Variants in CD82 observed in about 807,000 individuals in gnomAD.
CD82 encodes CD82 antigen.
CD82 carries 36 observed loss-of-function variants against 37.4 expected under a neutral mutation model. That is an observed-to-expected ratio of 0.96 (90% CI 0.74 to 1.27). The LOEUF is 1.27. Among genes scored for constraint, CD82 ranks in the 50% most tolerant of loss-of-function variants. The pLI is 0.00. For missense variants in CD82, 340 were observed against 347.0 expected (o/e 0.98, Z 0.16); for synonymous variants, 158 against 137.4 (o/e 1.15, Z -1.05).
At chr11:44,609,849 AT>A (rs1853455422) in intron 6 of CD82, among the ~76,000 whole-genome samples, 1 of 152,088 alleles carries the variant, frequency 6.6e-6, no homozygotes, top group Non-Finnish European at 1.5e-5. Context: ...CTGGAAAGGG[AT>A]TATGGAAAGA....
chr11:44,577,935 C>G (rs1415351316), intron 1 of CD82, among the ~76,000 whole-genome samples: 1 of 152,166 alleles, frequency 6.6e-6, no homozygotes, highest in Non-Finnish European at 1.5e-5. Flanking sequence ...GGCACAGGGA[C>G]AGAATCAGCT....
chr11:44,587,942 G>GTCCA (rs1565084925), intron 2 of CD82: 2 of 239,290 alleles, frequency 8.4e-6, no homozygotes, highest in Non-Finnish European at 1.7e-5. Context: ...CCATCTGTCT[G>GTCCA]TCCATCCATC....
chr11:44,569,080 G>T (rs904921413), intron 1 of CD82, among the ~76,000 whole-genome samples: 1 of 152,158 alleles, frequency 6.6e-6, no homozygotes, highest in Non-Finnish European at 1.5e-5. Context: ...GGACTGTTTG[G>T]CCTGGGCCCC....
intron 4 of CD82, among the ~76,000 whole-genome samples, chr11:44,601,604 C>T (rs1419474898): frequency 6.6e-6 from 1 of 152,206 alleles, no homozygotes; most frequent in Non-Finnish European, 1.5e-5. Context: ...CTGCAACTGG[C>T]GCAGTGGGGG....
intron 1 of CD82, among the ~76,000 whole-genome samples, chr11:44,568,462 G>A (rs1405655791): frequency 1.3e-5 from 2 of 151,502 alleles, no homozygotes; most frequent in Non-Finnish European, 2.9e-5. Context: ...TGCCCATGAA[G>A]GGGAGGCATC....
chr11:44,595,305 G>C (rs547897442), intron 3 of CD82, among the ~76,000 whole-genome samples: 1 of 152,304 alleles, frequency 6.6e-6, no homozygotes, highest in South Asian at 2.1e-4. Flanking sequence ...GACATTGACT[G>C]CTGGTTTTCC....
intron 1 of CD82, among the ~76,000 whole-genome samples, chr11:44,578,280 A>T (rs1427153089): frequency 6.6e-6 from 1 of 152,168 alleles, no homozygotes; most frequent in Non-Finnish European, 1.5e-5. Flanking sequence ...CCAGGGAAGG[A>T]GGCAGCCTCT....
At chr11:44,618,561 TG>T in intron 8 of CD82, 78 bp from the exon 9 acceptor site, 3 of 1,279,326 alleles carry the variant, frequency 2.3e-6, no homozygotes, top group African/African-American at 1.5e-5. Context: ...GGGCTGGGAC[TG>T]GGGGGCTCTC....
At chr11:44,567,964 TG>T (rs1326324268) in intron 1 of CD82, among the ~76,000 whole-genome samples, 1 of 152,220 alleles carries the variant, frequency 6.6e-6, no homozygotes, top group African/African-American at 2.4e-5. Context: ...ACCTCTAGGT[TG>T]CTCATTCTGG....
chr11:44,568,774 C>T lies in CD82; in HGVS notation c.-103+3038C>T, dbSNP rs572276110. 9.2e-5 allele frequency among the ~76,000 whole-genome samples: 14 copies of T among 152,310 alleles called. No homozygotes were observed. The East Asian group carries it at 9.7e-4, about 11-fold the overall frequency. On this transcript the variant is annotated intron_variant, in intron 1 of 9. Transcript: ENST00000227155. ...AGAGCCACAGCCTGGAAGCTCCCACCGGCCATCCCCTTCCACCCTGGGGAC... is the reference window on the plus strand; with the variant it reads ...AGAGCCACAGCCTGGAAGCTCCCACTGGCCATCCCCTTCCACCCTGGGGAC...
intron 6 of CD82, chr11:44,606,298 G>A (rs561359331): frequency 3.3e-4 from 51 of 152,360 alleles, no homozygotes; most frequent in African/African-American, 7.2e-4. Flanking sequence ...GGGCAACATG[G>A]TGAGACCCCA....
chr11:44,577,030 G>C (rs1413158161), intron 1 of CD82, among the ~76,000 whole-genome samples: 4 of 152,058 alleles, frequency 2.6e-5, no homozygotes, highest in Non-Finnish European at 4.4e-5. Flanking sequence ...CTGGGCTGGT[G>C]GGTCCTGGGT....
chr11:44,573,295 A>C (rs1313309062), intron 1 of CD82: 2 of 152,266 alleles, frequency 1.3e-5, no homozygotes, highest in East Asian at 3.8e-4. Flanking sequence ...GGTAAATTAT[A>C]CTAGTACAGT....
Position 44,605,448 on chromosome 11 carries a change from C to G in CD82, c.336+19C>G. The G allele has an allele frequency of 1.2e-6, 2 of 1,610,996 alleles. No individual in the cohort carries two copies. Among genetic ancestry groups the G allele is most frequent in the Non-Finnish European group, 1.7e-6 (2 of 1,177,164 alleles). On this transcript the variant is annotated intron_variant, in intron 6 of 9. Coordinates refer to ENST00000227155, the MANE Select transcript of CD82 (RefSeq NM_002231.4). ...GGGCAAGGTAAGCCCCTCTCTCCCT[C>G]CCTCTTCACTGGGCTGGACCAACCA...
chr11:44,594,327 A>G (rs1354565899), intron 2 of CD82, among the ~76,000 whole-genome samples: 1 of 152,118 alleles, frequency 6.6e-6, no homozygotes, highest in Non-Finnish European at 1.5e-5. Context: ...CATCTGTGCA[A>G]GTTCCAGAGC....
At chr11:44,588,126 T>A (rs1853085605) in intron 2 of CD82, among the ~76,000 whole-genome samples, 1 of 152,168 alleles carries the variant, frequency 6.6e-6, no homozygotes, top group Non-Finnish European at 1.5e-5. Context: ...TTATAGGAAC[T>A]GCCGTCTATC....
At chr11:44,607,246 G>A (rs1399684819) in intron 6 of CD82, among the ~76,000 whole-genome samples, 1 of 152,270 alleles carries the variant, frequency 6.6e-6, no homozygotes, top group Non-Finnish European at 1.5e-5. Context: ...CACAAGACAA[G>A]ATACTCTTGG....
chr11:44,590,123 G>C (rs182826253), intron 2 of CD82, among the ~76,000 whole-genome samples: 1 of 151,748 alleles, frequency 6.6e-6, no homozygotes, highest in Non-Finnish European at 1.5e-5. Context: ...GTGAGCCACC[G>C]CGCCTGGCGA....
intron 1 of CD82, among the ~76,000 whole-genome samples, chr11:44,568,186 C>G (rs1178927981): frequency 3.3e-5 from 5 of 151,892 alleles, no homozygotes; most frequent in Non-Finnish European, 7.4e-5. Flanking sequence ...ATCCAGCGGT[C>G]AAGGGATAAT....
Sources: allele counts gnomAD v4.1 joint callset (sites outside exome capture counted in the v4.1 genomes callset), GRCh38; gene constraint gnomAD v4.1.1; transcripts MANE v1.5; gene names NCBI Gene and HGNC (gene_info 2026-07-23, HGNC 2026-07-21).